Variants in SORCS3 observed in about 807,000 individuals in gnomAD.
The protein encoded by SORCS3 is sortilin related VPS10 domain containing receptor 3.
SORCS3 carries 57 observed loss-of-function variants against 146.3 expected under a neutral mutation model. The ratio of observed to expected loss-of-function variants is 0.39; its 90% CI spans 0.31 to 0.49. The LOEUF (loss-of-function observed/expected upper bound fraction) is 0.49, where lower values mean the gene tolerates loss of function less well. SORCS3 is among the 20% of genes least tolerant of loss of function. The probability of loss-of-function intolerance (pLI) is 0.92; values close to 1 mark genes in which losing one functional copy is unlikely to be tolerated. For missense variants in SORCS3, 1,341 were observed against 1,575.5 expected (o/e 0.85, Z 2.52); for synonymous variants, 653 against 618.5 (o/e 1.06, Z -0.83).
chr10:104,893,611 A>G (rs2018770160), intron 2 of SORCS3, among the ~76,000 whole-genome samples: 1 of 152,172 alleles, frequency 6.6e-6, no homozygotes, highest in Non-Finnish European at 1.5e-5. Flanking sequence ...TTGGCCACCC[A>G]GTCCCCTGGT....
At chr10:104,862,767 A>T (rs2018418862) in intron 2 of SORCS3, among the ~76,000 whole-genome samples, 1 of 152,156 alleles carries the variant, frequency 6.6e-6, no homozygotes, top group African/African-American at 2.4e-5. Flanking sequence ...ACCTGTTATC[A>T]TAGTATTGTT....
chr10:104,963,739 A>C (rs957223271), intron 3 of SORCS3, among the ~76,000 whole-genome samples: 2 of 152,084 alleles, frequency 1.3e-5, no homozygotes, highest in African/African-American at 4.8e-5. Context: ...TTCAAAACCA[A>C]ATTCTTTATT....
At chr10:105,020,828 G>A (rs528685476) in intron 4 of SORCS3, among the ~76,000 whole-genome samples, 1 of 152,292 alleles carries the variant, frequency 6.6e-6, no homozygotes, top group East Asian at 1.9e-4. Context: ...GCCATTCGTG[G>A]AGGGATACCA....
chr10:104,696,812 G>T (rs2016222122), intron 1 of SORCS3, among the ~76,000 whole-genome samples: 1 of 138,818 alleles, frequency 7.2e-6, no homozygotes, highest in African/African-American at 2.7e-5. Context: ...TAAAATGGAA[G>T]GAAATCCTGC....
intron 1 of SORCS3, among the ~76,000 whole-genome samples, chr10:104,835,564 A>T (rs1159472690): frequency 6.6e-6 from 1 of 152,202 alleles, no homozygotes; most frequent in Non-Finnish European, 1.5e-5. Context: ...CACAGGCCAG[A>T]GCGTCCTAGT....
intron 1 of SORCS3, among the ~76,000 whole-genome samples, chr10:104,706,638 T>C (rs887236433): frequency 6.6e-6 from 1 of 152,202 alleles, no homozygotes; most frequent in African/African-American, 2.4e-5. Context: ...AGGGGTGCGA[T>C]GTATGCATCA....
intron 2 of SORCS3, among the ~76,000 whole-genome samples, chr10:104,888,488 A>G (rs1224308396): frequency 6.6e-6 from 1 of 152,194 alleles, no homozygotes; most frequent in African/African-American, 2.4e-5. Context: ...ATGTGCTACC[A>G]ATGCAAAGTG....
At chr10:104,973,531 C>T (rs376366646) in intron 3 of SORCS3, among the ~76,000 whole-genome samples, 94 of 150,896 alleles carry the variant, frequency 6.2e-4, no homozygotes, top group Admixed American at 1.6e-3. Context: ...TCTGTGGGAT[C>T]GGTGGTGATA....
At chr10:104,919,391 A>G (rs1335422996) in intron 3 of SORCS3, among the ~76,000 whole-genome samples, 1 of 152,060 alleles carries the variant, frequency 6.6e-6, no homozygotes, top group Non-Finnish European at 1.5e-5. Context: ...GAAAATAGCA[A>G]TAGAAATTAA....
intron 2 of SORCS3, among the ~76,000 whole-genome samples, chr10:104,906,559 G>A (rs2018906963): frequency 6.6e-6 from 1 of 152,178 alleles, no homozygotes; most frequent in Non-Finnish European, 1.5e-5. Flanking sequence ...CTTCACAAAA[G>A]CCCTAAGAAC....
rs35535851 is a variant in SORCS3 at position 105,010,720 on chromosome 10, CT to C, written c.955-32323del. Among the ~76,000 whole-genome samples, 234 of 147,202 alleles carry C rather than the reference CT, an allele frequency of 1.6e-3. 1 individual carries two copies. Among genetic ancestry groups the C allele is most frequent in the African/African-American group, 4.6e-3 (185 of 40,116 alleles). Reference sequence around the variant, plus strand: ...AATCTTTCCATTGGAAGCATAGTTTCTTTTTTTTTTTTCTCTCTTTCAGTGG... The same window carrying C: ...AATCTTTCCATTGGAAGCATAGTTTCTTTTTTTTTTTCTCTCTTTCAGTGG... On this transcript the variant is annotated intron_variant, in intron 4 of 26. Transcript: ENST00000369701.
At chr10:104,764,358 C>A (rs1193286436) in intron 1 of SORCS3, among the ~76,000 whole-genome samples, 2 of 152,086 alleles carry the variant, frequency 1.3e-5, no homozygotes, top group Admixed American at 1.3e-4. Context: ...CCAGGTGATG[C>A]CAATGCTGCT....
intron 1 of SORCS3, among the ~76,000 whole-genome samples, chr10:104,653,121 T>G (rs1029273908): frequency 6.6e-6 from 1 of 152,218 alleles, no homozygotes; most frequent in African/African-American, 2.4e-5. Context: ...CCTGGGTCAC[T>G]TGACAAGGAG....
chr10:104,997,633 C>T (rs2055035092), intron 4 of SORCS3, among the ~76,000 whole-genome samples: 1 of 152,076 alleles, frequency 6.6e-6, no homozygotes, highest in Non-Finnish European at 1.5e-5. Context: ...TGGGGTCTGT[C>T]CCTTGAGGAT....
At chr10:105,196,737 C>T (rs1020124185) in intron 14 of SORCS3, among the ~76,000 whole-genome samples, 1 of 152,124 alleles carries the variant, frequency 6.6e-6, no homozygotes, top group African/African-American at 2.4e-5. Flanking sequence ...TAAGTCATGT[C>T]CAGGTTAACT....
chr10:104,865,904 T>C (rs958854865), intron 2 of SORCS3, among the ~76,000 whole-genome samples: 1 of 152,250 alleles, frequency 6.6e-6, no homozygotes, highest in South Asian at 2.1e-4. Flanking sequence ...TTTGCAGTAC[T>C]CTGTCCTTGG....
intron 2 of SORCS3, among the ~76,000 whole-genome samples, chr10:104,910,048 C>T (rs1332248411): frequency 6.6e-6 from 1 of 152,178 alleles, no homozygotes; most frequent in Non-Finnish European, 1.5e-5. Flanking sequence ...GAGACAAGAA[C>T]TCAGTGAACA....
intron 1 of SORCS3, among the ~76,000 whole-genome samples, chr10:104,743,577 C>T (rs2016874837): frequency 1.3e-5 from 2 of 152,084 alleles, no homozygotes; most frequent in Non-Finnish European, 2.9e-5. Context: ...GTTCCTGGAC[C>T]AGATGGATAA....
chr10:104,774,358 C>A (rs1388136876), intron 1 of SORCS3, among the ~76,000 whole-genome samples: 2 of 152,178 alleles, frequency 1.3e-5, no homozygotes, highest in East Asian at 3.9e-4. Context: ...ATCCCCATGC[C>A]TCAGAGGTAT....
Sources: allele counts gnomAD v4.1 joint callset (sites outside exome capture counted in the v4.1 genomes callset), GRCh38; gene constraint gnomAD v4.1.1; transcripts MANE v1.5; gene names NCBI Gene and HGNC (gene_info 2026-07-23, HGNC 2026-07-21).